The following DCAF8L2 variants were observed in gnomAD, a reference collection of about 807,000 sequenced individuals.
DCAF8L2 encodes DDB1 and CUL4 associated factor 8 like 2.
For synonymous variants in DCAF8L2, 200 were observed against 190.9 expected (o/e 1.05, Z -0.39); for missense variants, 430 against 490.7 (o/e 0.88, Z 1.17).
chrX:27,661,669 A>C (rs1276929083), intron 2 of DCAF8L2, among the ~76,000 whole-genome samples: 2 of 112,224 alleles, frequency 1.8e-5, no homozygotes, highest in Admixed American at 1.9e-4. Context: ...AATGAGAATC[A>C]TGAAAAATAT....
chrX:27,479,141 T>C, the DCAF8L2 span, among the ~76,000 whole-genome samples: 1 of 110,898 alleles, frequency 9.0e-6, no homozygotes, highest in African/African-American at 3.3e-5. Flanking sequence ...TTCTGATGAA[T>C]CAAGATGCCA....
At chrX:27,707,827 G>A (rs1235197108) in intron 3 of DCAF8L2, among the ~76,000 whole-genome samples, 1 of 111,180 alleles carries the variant, frequency 9.0e-6, no homozygotes, top group Non-Finnish European at 1.9e-5. Context: ...TAGTTACTGA[G>A]AGTGTTATTT....
rs113747555 is a variant in DCAF8L2 at position 27,598,960 on chromosome X, CAA to C, written c.-342+8534_-342+8535del. Among the ~76,000 whole-genome samples the C allele has an allele frequency of 5.2e-3, 429 of 82,503 alleles. 3 individuals carry two copies. The highest frequency in any genetic ancestry group is 0.016 in the African/African-American group (374 of 22,824). 71.6% of individuals were successfully genotyped at this position (82,503 alleles called of 115,157 possible). On this transcript the variant is annotated intron_variant, in intron 1 of 4. Coordinates refer to ENST00000451261, the MANE Select transcript of DCAF8L2 (RefSeq NM_001353450.2). Reference sequence around the variant, plus strand: ...TATGGAAAACGATAGGAAAGTTTCTCAAAAAAAAAAAAAAATATATATATATA... The same window carrying C: ...TATGGAAAACGATAGGAAAGTTTCTCAAAAAAAAAAAAATATATATATATA...
chrX:27,709,471 C>T lies in DCAF8L2; in HGVS notation c.-142-6617C>T, dbSNP rs192852926. The stretch of plus-strand genomic sequence containing the variant: ...CAAGGAACCAGTTGATTTTAAACTA[C>T]ACCACAAACAATAAAATATTAGCAA... On this transcript the variant is annotated intron_variant, in intron 3 of 4. Coordinates refer to ENST00000451261, the MANE Select transcript of DCAF8L2 (RefSeq NM_001353450.2). Among the ~76,000 whole-genome samples, 102 of 112,159 alleles carry T rather than the reference C, an allele frequency of 9.1e-4. 4 individuals are homozygous for T. In the East Asian group the frequency reaches 0.026, roughly 29 times the overall value.
rs1377490408 is a variant in DCAF8L2 at position 27,606,301 on chromosome X, T to TAG, written c.-342+15861_-342+15862insAG. Among the ~76,000 whole-genome samples the TAG allele has an allele frequency of 3.6e-4, 28 of 78,799 alleles. No homozygotes were observed. The East Asian group carries it at 5.8e-3, about 16-fold the overall frequency. 68.4% of individuals were successfully genotyped at this position (78,799 alleles called of 115,157 possible). On this transcript the variant is annotated intron_variant, in intron 1 of 4. Transcript: ENST00000451261. ...TATATATATAGGAATTATATATATA[T>TAG]GAATTATATATATATAGGAATTATA...
chrX:27,479,192 G>A, the DCAF8L2 span, among the ~76,000 whole-genome samples: 2 of 110,795 alleles, frequency 1.8e-5, no homozygotes, highest in East Asian at 5.7e-4. Context: ...GTAGCCTCTG[G>A]CCAGCAGCCA....
chrX:27,572,814 T>C, the DCAF8L2 span, among the ~76,000 whole-genome samples: 1 of 111,824 alleles, frequency 8.9e-6, no homozygotes, highest in Admixed American at 9.5e-5. Flanking sequence ...CCGTGGCTTG[T>C]CTACTTAGAC....
chrX:27,692,376 A>C (rs1493057), intron 3 of DCAF8L2, among the ~76,000 whole-genome samples: 37,635 of 110,928 alleles, frequency 0.34, 4,884 homozygotes, highest in Middle Eastern at 0.49. Flanking sequence ...ATATGATAAG[A>C]TTGGCAGTTG....
At chrX:27,470,735 A>C in the DCAF8L2 span, among the ~76,000 whole-genome samples, 22 of 112,173 alleles carry the variant, frequency 2.0e-4, no homozygotes, top group African/African-American at 7.1e-4. Flanking sequence ...ACATACAGTA[A>C]CATGTAAAAC....
rs377420810 is a variant in DCAF8L2, at chrX:27,748,769, G to A, written c.1874G>A (p.Arg625Gln). ...ACATCTGAGGAGGAGGTCCAAGACC[G>A]AGTGCAGTGCATGCCATCCTGAAGG... ...SETSEEEVQD[R>Q]VQCMPS The change falls in exon 5 of 5, where the codon CGA (arginine) becomes CAA (glutamine). Residue 625 changes from arginine (R) to glutamine (Q), a missense_variant. By Grantham distance (43) the Arg-to-Gln change is conservative. Transcript: ENST00000451261. The A allele has an allele frequency of 2.8e-5, 34 of 1,202,113 alleles. No homozygotes were observed. In the African/African-American group the frequency reaches 4.9e-4, roughly 17 times the overall value.
intron 4 of DCAF8L2, among the ~76,000 whole-genome samples, chrX:27,733,354 C>T (rs1387443591): frequency 9.0e-6 from 1 of 111,716 alleles, no homozygotes; most frequent in African/African-American, 3.2e-5. Context: ...TATTCATGTC[C>T]TTTGGCCATA....
chrX:27,588,061 G>A (rs182449542), upstream of DCAF8L2, among the ~76,000 whole-genome samples: 7 of 103,613 alleles, frequency 6.8e-5, no homozygotes, highest in African/African-American at 2.2e-4. Flanking sequence ...GTGCAGGTTT[G>A]TTACATGGGT....
rs1481262501 is a variant in DCAF8L2, at chrX:27,747,593, C to G, written c.698C>G (p.Thr233Ser). The G allele has an allele frequency of 3.3e-6, 4 of 1,196,925 alleles. No individual in the cohort carries two copies. The highest frequency in any genetic ancestry group is 1.8e-5 in the South Asian group (1 of 54,950). The change falls in exon 5 of 5, where the codon ACT becomes AGT. Residue 233 changes from threonine to serine, a missense_variant. By Grantham distance (58) the Thr-to-Ser change is moderately conservative. Coordinates refer to ENST00000451261, the MANE Select transcript of DCAF8L2 (RefSeq NM_001353450.2). ...GCAGACCATGTCGGCTGTGTCAATACTGTACACTTTAACCAGCGTGGCACC... is the reference window on the plus strand; with the variant it reads ...GCAGACCATGTCGGCTGTGTCAATAGTGTACACTTTAACCAGCGTGGCACC... ...RLADHVGCVN[T>S]VHFNQRGTRL...
At chrX:27,567,644 T>C in the DCAF8L2 span, among the ~76,000 whole-genome samples, 5 of 99,596 alleles carry the variant, frequency 5.0e-5, no homozygotes, top group African/African-American at 1.8e-4. Flanking sequence ...CTAAATTAAC[T>C]TTATTGCAAT....
At chrX:27,614,532 T>G (rs189511444) in intron 1 of DCAF8L2, among the ~76,000 whole-genome samples, 21 of 111,658 alleles carry the variant, frequency 1.9e-4, no homozygotes, top group African/African-American at 6.5e-4. Context: ...CTAGTTCTTT[T>G]AATTGTGATG....
the DCAF8L2 span, among the ~76,000 whole-genome samples, chrX:27,488,347 G>T: frequency 9.0e-6 from 1 of 111,457 alleles, no homozygotes; most frequent in Non-Finnish European, 1.9e-5. Flanking sequence ...AGTTATCTGT[G>T]CTCTTCCTGA....
the DCAF8L2 span, among the ~76,000 whole-genome samples, chrX:27,542,767 C>T: frequency 2.0e-3 from 219 of 109,433 alleles, no homozygotes; most frequent in Non-Finnish European, 3.6e-3. Context: ...TGGTCTCGAT[C>T]TCCTGACCTC....
At chrX:27,475,817 A>G in the DCAF8L2 span, among the ~76,000 whole-genome samples, 1 of 112,050 alleles carries the variant, frequency 8.9e-6, no homozygotes, top group African/African-American at 3.2e-5. Context: ...GCTGGAACTG[A>G]TATTTATGAA....
At chrX:27,588,350 A>G (rs943480894), upstream of DCAF8L2, among the ~76,000 whole-genome samples, 27 of 110,832 alleles carry the variant, frequency 2.4e-4, no homozygotes, top group Non-Finnish European at 4.2e-4. Flanking sequence ...TTGTGGCTGC[A>G]TAGTATTTCA....
Sources: allele counts gnomAD v4.1 joint callset (sites outside exome capture counted in the v4.1 genomes callset), GRCh38; gene constraint gnomAD v4.1.1; transcripts MANE v1.5; gene names NCBI Gene and HGNC (gene_info 2026-07-23, HGNC 2026-07-21).